ESM1: variants seen among roughly 807,000 people sequenced by gnomAD.
ESM1 encodes the protein endothelial cell-specific molecule 1.
Under a neutral mutation model 14.9 loss-of-function variants are expected in ESM1, and 7 were observed. The observed-to-expected ratio is 0.47, with a 90% confidence interval of 0.27 to 0.88. The LOEUF is 0.88. ESM1 is among the 40% of genes least tolerant of loss of function. The pLI is 0.14. For synonymous variants in ESM1, 89 were observed against 89.4 expected, an observed-to-expected ratio of 1.00 and a Z score of 0.02; for missense variants, 192 against 237.9, an observed-to-expected ratio of 0.81 and a Z score of 1.27.
intron 1 of ESM1, among the ~76,000 whole-genome samples, chr5:54,984,626 T>C (rs956781881): frequency 6.6e-6 from 1 of 152,190 alleles, no homozygotes; most frequent in African/African-American, 2.4e-5. Context: ...GACCAAAACC[T>C]TTATAAAGTC....
Position 54,982,089 on chromosome 5 carries a change from C to A in ESM1, c.359G>T (p.Gly120Val). 6.2e-7 allele frequency: 1 copy of A among 1,614,104 alleles called. No homozygotes were observed. Among genetic ancestry groups the A allele is most frequent in the Non-Finnish European group, 8.5e-7 (1 of 1,179,960 alleles). Residue 120 changes from glycine to valine, a missense_variant, in exon 2 of 3, where the codon GGC becomes GTC. Transcript: ENST00000381405. Reference protein sequence around the residue: ...DCRETCNCQSGICDRGTGKCL... With the variant: ...DCRETCNCQSVICDRGTGKCL... ...TTTTCCCGTCCCCCTGTCACAGATG[C>A]CTGACTGGCAGTTGCAGGTCTCTCT... is the stretch of plus-strand genomic sequence containing the variant.
chr5:54,979,700 C>T (rs1168986008), intron 2 of ESM1, among the ~76,000 whole-genome samples: 1 of 152,166 alleles, frequency 6.6e-6, no homozygotes, highest in African/African-American at 2.4e-5. Flanking sequence ...TTATTTCACT[C>T]CACCACTAGA....
In ESM1 at chr5:54,979,375, G is replaced by A; in HGVS notation, c.512C>T (p.Ala171Val). ...IVREEVVKEN[A>V]AGSPVMRKWL... ...TTTCCTCATTACGGGAGACCCGGCA[G>A]CATTCTCTTTCACAACTTCTTCTCT... Residue 171 changes from alanine to valine, a missense_variant, in exon 3 of 3, where the codon GCT becomes GTT. Coordinates refer to ENST00000381405, the MANE Select transcript of ESM1 (RefSeq NM_007036.5). 6.2e-7 allele frequency: 1 copy of A among 1,613,846 alleles called. No individual in the cohort carries two copies. Among genetic ancestry groups the A allele is most frequent in the Non-Finnish European group, 8.5e-7 (1 of 1,179,740 alleles).
At chr5:54,981,822 T>C (rs1744057370) in intron 2 of ESM1, among the ~76,000 whole-genome samples, 175 bp downstream of exon 2, 1 of 152,214 alleles carries the variant, frequency 6.6e-6, no homozygotes, top group African/African-American at 2.4e-5. Context: ...GATGGGCTCT[T>C]TTTAGAAAAC....
chr5:54,980,208 G>C (rs955222611), intron 2 of ESM1, among the ~76,000 whole-genome samples: 1 of 152,164 alleles, frequency 6.6e-6, no homozygotes, highest in African/African-American at 2.4e-5. Context: ...AGAACACCAA[G>C]TGGAACACTG....
rs1743970684 is a variant in ESM1 at position 54,978,083 on chromosome 5, G to A, written c.*1249C>T. 1 of 151,986 alleles carries A rather than the reference G, an allele frequency of 6.6e-6. No individual in the cohort carries two copies. Among genetic ancestry groups the A allele is most frequent in the Non-Finnish European group, 1.5e-5 (1 of 67,982 alleles). The allele number at this position is 151,986 out of a possible 1,614,324, so 9.4% of individuals were successfully genotyped here. A position where few individuals can be genotyped will look rare whatever the true frequency, so the allele number is the denominator to read the frequency against. On this transcript the variant is annotated 3_prime_UTR_variant, in exon 3 of 3. Coordinates refer to ENST00000381405, the MANE Select transcript of ESM1 (RefSeq NM_007036.5). ...CTGAGATATTTCCTAAGAACATCTAGTACAACAGTCCTGTTTGTGCTAAGA... is the reference window on the plus strand; with the variant it reads ...CTGAGATATTTCCTAAGAACATCTAATACAACAGTCCTGTTTGTGCTAAGA...
At chr5:54,982,511 G>C (rs1740407219) in intron 1 of ESM1, among the ~76,000 whole-genome samples, 1 of 152,162 alleles carries the variant, frequency 6.6e-6, no homozygotes, top group Admixed American at 6.5e-5. Flanking sequence ...AAATTGAACA[G>C]ACATATATGC....
chr5:54,983,562 G>A (rs1311250535), intron 1 of ESM1, among the ~76,000 whole-genome samples: 2 of 152,204 alleles, frequency 1.3e-5, no homozygotes, highest in Non-Finnish European at 2.9e-5. Flanking sequence ...GAAGAAGGGA[G>A]ATGATTGCCA....
rs1448685909 is a variant in ESM1 at position 54,979,216 on chromosome 5, A to G, written c.*116T>C. ...GTTTTCTGGATCCACCATGCATCAC[A>G]TTTGGTCTTCAAAAATTACATGTCC... On this transcript the variant is annotated 3_prime_UTR_variant, in exon 3 of 3. Transcript: ENST00000381405. 7 of 745,918 alleles carry G rather than the reference A, an allele frequency of 9.4e-6. No homozygotes were observed. Among genetic ancestry groups the G allele is most frequent in the Non-Finnish European group, 1.2e-5 (5 of 423,742 alleles). 46.2% of individuals were successfully genotyped at this position (745,918 alleles called of 1,614,324 possible).
chr5:54,983,478 T>C (rs1311065128), intron 1 of ESM1, among the ~76,000 whole-genome samples: 1 of 152,228 alleles, frequency 6.6e-6, no homozygotes, highest in Non-Finnish European at 1.5e-5. Flanking sequence ...TTCACAGACA[T>C]CTGAATATTT....
In ESM1 at chr5:54,979,424, C is replaced by A. The variant is rs1032287744; in HGVS notation, c.463G>T (p.Ala155Ser). ...CTCACAATATTGCCATCTCCAGATGCCATGTCATGCTCTGAAAGTAGACGG... is the reference window on the plus strand; with the variant it reads ...CTCACAATATTGCCATCTCCAGATGACATGTCATGCTCTGAAAGTAGACGG... ...RFVSLTEHDM[A>S]SGDGNIVREE... The change falls in exon 3 of 3, where the codon GCA (alanine) becomes TCA (serine). Residue 155 changes from alanine to serine, a missense_variant. Coordinates refer to ENST00000381405, the MANE Select transcript of ESM1 (RefSeq NM_007036.5). The A allele has an allele frequency of 6.2e-7, 1 of 1,608,866 alleles. No individual in the cohort carries two copies. Among genetic ancestry groups the A allele is most frequent in the African/African-American group, 1.3e-5 (1 of 74,808 alleles).
At chr5:54,980,802 C>T (rs1348760973) in intron 2 of ESM1, among the ~76,000 whole-genome samples, 1 of 151,974 alleles carries the variant, frequency 6.6e-6, no homozygotes, top group East Asian at 1.9e-4. Flanking sequence ...TTTAGTTGAC[C>T]CATACATAAG....
chr5:54,980,600 G>A (rs1259216649), intron 2 of ESM1, among the ~76,000 whole-genome samples: 1 of 152,146 alleles, frequency 6.6e-6, no homozygotes, highest in Non-Finnish European at 1.5e-5. Flanking sequence ...GCTAATGAAA[G>A]GAAATACCCT....
chr5:54,980,463 T>C (rs1321520399), intron 2 of ESM1, among the ~76,000 whole-genome samples: 1 of 152,184 alleles, frequency 6.6e-6, no homozygotes, highest in Non-Finnish European at 1.5e-5. Context: ...CAAAGACACA[T>C]GTAGACTACA....
rs193192856 is a variant in ESM1 at position 54,979,461 on chromosome 5, T to A, written c.452-26A>T. ...CTGAAAGTAGACGGAATACAAATCA[T>A]GTCCAAACATCTATAGCTCAAAGAC... On this transcript the variant is annotated intron_variant, in intron 2 of 2. Coordinates refer to ENST00000381405, the MANE Select transcript of ESM1 (RefSeq NM_007036.5). 145 of 1,443,784 alleles carry A rather than the reference T, an allele frequency of 1.0e-4. 1 individual carries two copies. The African/African-American group carries it at 1.8e-3, about 18-fold the overall frequency. The allele number at this position is 1,443,784 out of a possible 1,614,324, so 89.4% of individuals were successfully genotyped here.
At chr5:54,982,833 T>C (rs1740414337) in intron 1 of ESM1, among the ~76,000 whole-genome samples, 1 of 152,222 alleles carries the variant, frequency 6.6e-6, no homozygotes, top group Admixed American at 6.5e-5. Context: ...TTATACACCC[T>C]GAGGGTTTGT....
At chr5:54,980,604 A>G (rs531604321) in intron 2 of ESM1, among the ~76,000 whole-genome samples, 2 of 152,244 alleles carry the variant, frequency 1.3e-5, no homozygotes, top group Non-Finnish European at 2.9e-5. Context: ...ATGAAAGGAA[A>G]TACCCTAGGT....
Position 54,982,106 on chromosome 5 carries a change from G to A in ESM1, c.342C>T (p.Thr114=), listed in dbSNP as rs1744064636. 6.2e-7 allele frequency: 1 copy of A among 1,614,164 alleles called. No individual in the cohort carries two copies. The highest frequency in any genetic ancestry group is 1.3e-5 in the African/African-American group (1 of 75,046). The stretch of plus-strand genomic sequence containing the variant: ...CACAGATGCCTGACTGGCAGTTGCA[G>A]GTCTCTCTGCAATCCATCCCGAAGG... ...YGTFGMDCRE[T]CNCQSGICDR... The change falls in exon 2 of 3, where the codon ACC becomes ACT. Residue 114 remains threonine (T), a synonymous_variant. Transcript: ENST00000381405.
rs1227107567 is a variant in ESM1, at chr5:54,977,964, A to C, written c.*1368T>G. The C allele has an allele frequency of 6.6e-6, 1 of 152,220 alleles. No homozygotes were observed. Among genetic ancestry groups the C allele is most frequent in the African/African-American group, 2.4e-5 (1 of 41,446 alleles). 9.4% of individuals were successfully genotyped at this position (152,220 alleles called of 1,614,324 possible). Reference sequence around the variant, plus strand: ...TTTACATTCAAAGGCCTTCCCACACACATTCACAACTCTGTTGGCCAACTT... The same window carrying C: ...TTTACATTCAAAGGCCTTCCCACACCCATTCACAACTCTGTTGGCCAACTT... On this transcript the variant is annotated 3_prime_UTR_variant, in exon 3 of 3. Coordinates refer to ENST00000381405, the MANE Select transcript of ESM1 (RefSeq NM_007036.5).
Sources: allele counts gnomAD v4.1 joint callset (sites outside exome capture counted in the v4.1 genomes callset), GRCh38; gene constraint gnomAD v4.1.1; transcripts MANE v1.5; gene names NCBI Gene and HGNC (gene_info 2026-07-23, HGNC 2026-07-21).